The following GIPC1 variants were observed in gnomAD, a reference collection of about 807,000 sequenced individuals.
GIPC1 encodes GIPC PDZ domain containing family member 1.
GIPC1 carries 15 observed loss-of-function variants against 28.5 expected under a neutral mutation model. The ratio of observed to expected loss-of-function variants is 0.53; its 90% CI spans 0.35 to 0.81. The LOEUF is 0.81. GIPC1 is among the 30% of genes least tolerant of loss of function. The probability of loss-of-function intolerance (pLI) is 0.01; values close to 1 mark genes in which losing one functional copy is unlikely to be tolerated. For synonymous variants in GIPC1, 224 were observed against 206.1 expected, an observed-to-expected ratio of 1.09 and a Z score of -0.74; for missense variants, 439 against 481.9, an observed-to-expected ratio of 0.91 and a Z score of 0.83.
At chr19:14,483,045 GC>G in intron 3 of GIPC1, 39 bp from the exon 4 acceptor site, 1 of 1,420,394 alleles carries the variant, frequency 7.0e-7, no homozygotes, top group Non-Finnish European at 9.6e-7. Context: ...CTGGGCAGAG[GC>G]CTTGGGTGCC....
At position 14,488,529 on chromosome 19, in the gene GIPC1, G is replaced by A. The variant is rs1348541979; in HGVS notation, c.-31+3127C>T. ...AGCACTTTGGAAGGCCAAGGCAGGC[G>A]GATCATGAGGTCAGGAGTTTGAGGC... On this transcript the variant is annotated intron_variant, in intron 3 of 8. Coordinates refer to ENST00000393033, the MANE Select transcript of GIPC1 (RefSeq NM_005716.4). Among the ~76,000 whole-genome samples the A allele has an allele frequency of 2.0e-5, 3 of 151,938 alleles. No individual in the cohort carries two copies. In the East Asian group the frequency reaches 5.8e-4, roughly 29 times the overall value.
intron 1 of GIPC1, among the ~76,000 whole-genome samples, chr19:14,494,373 TGAGCCACC>T (rs2072035063): frequency 1.7e-5 from 1 of 59,930 alleles, no homozygotes; most frequent in Admixed American, 2.2e-4. Context: ...ATTACAGGCG[TGAGCCACC>T]GCGCCCGGGC....
At chr19:14,484,728 C>T (rs929200508) in intron 3 of GIPC1, among the ~76,000 whole-genome samples, 1 of 151,844 alleles carries the variant, frequency 6.6e-6, no homozygotes, top group Non-Finnish European at 1.5e-5. Flanking sequence ...GACAGAATGA[C>T]ACTCCATCTC....
chr19:14,479,071 G>A (rs1399915680), intron 7 of GIPC1, among the ~76,000 whole-genome samples: 3 of 152,130 alleles, frequency 2.0e-5, no homozygotes, highest in African/African-American at 2.4e-5. Flanking sequence ...AGGGCTGGGC[G>A]CGGTGGCTCA....
In GIPC1 at chr19:14,480,630, GT is replaced by G. The variant is rs1329750697; in HGVS notation, c.436del (p.Thr146ProfsTer20). ...GTAGCCAGCCCCGTTGTCCGTGATG[GT>G]GAGCCCGAGTGCATCCTCCGACTTG... Reference protein sequence around the residue: ...VFKSEDALGLTITDNGAGYAF... With the variant: ...VFKSEDALGLXITDNGAGYAF... On this transcript the variant is annotated frameshift_variant, in exon 5 of 9. Coordinates refer to ENST00000393033, the MANE Select transcript of GIPC1 (RefSeq NM_005716.4). LOFTEE classifies it high-confidence loss of function. The G allele has an allele frequency of 6.2e-7, 1 of 1,614,212 alleles. No individual in the cohort carries two copies. Among genetic ancestry groups the G allele is most frequent in the South Asian group, 1.1e-5 (1 of 91,090 alleles).
At chr19:14,490,002 C>T (rs78528381) in intron 3 of GIPC1, among the ~76,000 whole-genome samples, 2,581 of 152,150 alleles carry the variant, frequency 0.017, 73 homozygotes, top group African/African-American at 0.055. Context: ...CAGATCTCTC[C>T]TGAATGGCTT....
At chr19:14,489,453 T>C (rs771359694) in intron 3 of GIPC1, 1 of 931,384 alleles carries the variant, frequency 1.1e-6, no homozygotes. Context: ...TGAAATTAAA[T>C]GGTGGCAGAC....
At chr19:14,493,925 T>C (rs1417082372) in intron 1 of GIPC1, among the ~76,000 whole-genome samples, 1 of 151,152 alleles carries the variant, frequency 6.6e-6, no homozygotes, top group East Asian at 2.0e-4. Context: ...CCTCCCAAAG[T>C]GCTGGGATTA....
At position 14,478,390 on chromosome 19, in the gene GIPC1, C is replaced by G; in HGVS notation, c.*26G>C. On this transcript the variant is annotated 3_prime_UTR_variant, in exon 9 of 9. Transcript: ENST00000393033. This position sits in a 1 kb window ranked among gnomAD's most constrained non-coding sequence, Gnocchi z 5.2. ...GGCCCCCACCAGGTTGCGCCCGGGTCATCATCGCAGGGTCCGGGGGCAGTC... is the reference window on the plus strand; with the variant it reads ...GGCCCCCACCAGGTTGCGCCCGGGTGATCATCGCAGGGTCCGGGGGCAGTC... 6.3e-7 allele frequency: 1 copy of G among 1,581,092 alleles called. No individual in the cohort carries two copies. The highest frequency in any genetic ancestry group is 1.3e-5 in the African/African-American group (1 of 74,320).
intron 3 of GIPC1, among the ~76,000 whole-genome samples, chr19:14,487,236 CTTTT>C (rs112964277): frequency 4.0e-4 from 56 of 139,344 alleles, no homozygotes; most frequent in African/African-American, 1.4e-3. Context: ...TTCTTTCTTT[CTTTT>C]TTTTTTTTTG....
chr19:14,479,335 A>G, intron 7 of GIPC1, 77 bp downstream of exon 7: 1 of 293,048 alleles, frequency 3.4e-6, no homozygotes, highest in South Asian at 5.1e-5. Flanking sequence ...CTGGGTGACA[A>G]GAGTGAGACT....
chr19:14,483,896 T>TAA, intron 3 of GIPC1, among the ~76,000 whole-genome samples: 1 of 151,884 alleles, frequency 6.6e-6, no homozygotes, highest in Admixed American at 6.6e-5. Context: ...TGCAGTGGTA[T>TAA]AATTAAAGCT....
intron 3 of GIPC1, chr19:14,483,557 A>T (rs2071776662): frequency 6.6e-6 from 1 of 152,056 alleles, no homozygotes; most frequent in African/African-American, 2.4e-5. Flanking sequence ...GAGATGCCTG[A>T]CCAACATGTC....
Position 14,496,050 on chromosome 19 carries a change from G to A in GIPC1, c.-188C>T, listed in dbSNP as rs1368079089. ...GAGGCCACTCACCTGCTCCGCCGCC[G>A]CCGCCGCCGCCGCCGCCGCCGCCGC... is the stretch of plus-strand genomic sequence containing the variant. On this transcript the variant is annotated 5_prime_UTR_variant, in exon 1 of 9. Transcript: ENST00000393033. The A allele has an allele frequency of 2.1e-5, 5 of 241,100 alleles. No homozygotes were observed. In the South Asian group the frequency reaches 2.2e-4, roughly 11 times the overall value. 14.9% of individuals were successfully genotyped at this position (241,100 alleles called of 1,614,324 possible).
In GIPC1 at chr19:14,480,433, T is replaced by C; in HGVS notation, c.527A>G (p.Asp176Gly). The C allele has an allele frequency of 6.2e-7, 1 of 1,613,828 alleles. No homozygotes were observed. The highest frequency in any genetic ancestry group is 1.3e-5 in the African/African-American group (1 of 75,050). ...CTGCCCGTTAATGGCCTCGATCATG[T>C]CGCCCACGCTGATGAGGTGGATGTG... ...IDHIHLISVG[D>G]MIEAINGQSL... The change falls in exon 6 of 9, where the codon GAC (aspartate) becomes GGC (glycine). Residue 176 changes from aspartate (D) to glycine (G), a missense_variant. Transcript: ENST00000393033.
Position 14,477,924 on chromosome 19 carries a change from C to T in GIPC1, c.*492G>A, listed in dbSNP as rs562029741. The T allele has an allele frequency of 3.2e-5, 5 of 157,640 alleles. No individual in the cohort carries two copies. The highest frequency in any genetic ancestry group is 9.6e-5 in the African/African-American group (4 of 41,456). 9.8% of individuals were successfully genotyped at this position (157,640 alleles called of 1,614,324 possible). ...GTTCACAGCAGACTCGTGTCAAATG[C>T]GGAGGTAACAGGCTCCACAGGGAGG... On this transcript the variant is annotated 3_prime_UTR_variant, in exon 9 of 9. Coordinates refer to ENST00000393033, the MANE Select transcript of GIPC1 (RefSeq NM_005716.4).
chr19:14,480,227 C>T, intron 6 of GIPC1, 78 bp downstream of exon 6: 2 of 1,324,762 alleles, frequency 1.5e-6, no homozygotes, highest in African/African-American at 1.4e-5. Flanking sequence ...TGGGCGCCAC[C>T]TGCTGGCCGC....
rs569730719 is a variant in GIPC1 at position 14,491,322 on chromosome 19, G to A, written c.-31+334C>T. 9.2e-5 allele frequency among the ~76,000 whole-genome samples: 14 copies of A among 151,720 alleles called. No individual in the cohort carries two copies. In the South Asian group the frequency reaches 2.3e-3, roughly 25 times the overall value. On this transcript the variant is annotated intron_variant, in intron 3 of 8. Coordinates refer to ENST00000393033, the MANE Select transcript of GIPC1 (RefSeq NM_005716.4). ...CACCCAGGCTGGAGTGCAATGGCGC[G>A]ATCTCGGCTCACTGCAACCTCCACC... is the stretch of plus-strand genomic sequence containing the variant.
chr19:14,486,712 C>CT (rs35491814), intron 3 of GIPC1, among the ~76,000 whole-genome samples: 37,813 of 124,668 alleles, frequency 0.3, 6,816 homozygotes, highest in Non-Finnish European at 0.38. Context: ...TTCTTTCTTT[C>CT]TTTTTTTTTT....
Sources: allele counts gnomAD v4.1 joint callset (sites outside exome capture counted in the v4.1 genomes callset), GRCh38; gene constraint gnomAD v4.1.1; non-coding constraint Gnocchi (gnomAD v3.1); transcripts MANE v1.5; gene names NCBI Gene and HGNC (gene_info 2026-07-23, HGNC 2026-07-21).